The following SPSB4 variants were observed in gnomAD, a reference collection of about 807,000 sequenced individuals.
SPSB4 encodes splA/ryanodine receptor domain and SOCS box containing 4.
SPSB4 carries 21 observed loss-of-function variants against 20.9 expected under a neutral mutation model. The ratio of observed to expected loss-of-function variants is 1.01; its 90% CI spans 0.71 to 1.45. SPSB4 has a LOEUF of 1.45. SPSB4 is among the 40% of genes most tolerant of loss of function. The probability of loss-of-function intolerance (pLI) is 0.00; values close to 1 mark genes in which losing one functional copy is unlikely to be tolerated. For missense variants in SPSB4, 399 were observed against 399.2 expected (o/e 1.00, Z 0.00); for synonymous variants, 207 against 183.8 (o/e 1.13, Z -1.02).
At chr3:141,145,234 A>AG (rs1350582666) in intron 2 of SPSB4, among the ~76,000 whole-genome samples, 1 of 151,796 alleles carries the variant, frequency 6.6e-6, no homozygotes, top group Non-Finnish European at 1.5e-5. Context: ...TTAAAAAAAA[A>AG]AAAAGATAAA....
chr3:141,116,658 A>G (rs1202146273), intron 2 of SPSB4, among the ~76,000 whole-genome samples: 1 of 152,226 alleles, frequency 6.6e-6, no homozygotes, highest in Admixed American at 6.5e-5. Context: ...TCATAATAGT[A>G]ACTACCTCAT....
chr3:141,142,150 T>C (rs944209901), intron 2 of SPSB4, among the ~76,000 whole-genome samples: 8 of 152,254 alleles, frequency 5.3e-5, no homozygotes, highest in African/African-American at 1.9e-4. Context: ...CTATTCATGT[T>C]CTTTCAGCTT....
At chr3:141,083,362 C>T (rs1938277728) in intron 2 of SPSB4, among the ~76,000 whole-genome samples, 1 of 152,174 alleles carries the variant, frequency 6.6e-6, no homozygotes, top group Non-Finnish European at 1.5e-5. Context: ...CACCCCCCCA[C>T]CCTCTGTAGA....
chr3:141,087,517 T>A (rs75057631), intron 2 of SPSB4, among the ~76,000 whole-genome samples: 9,641 of 152,156 alleles, frequency 0.063, 959 homozygotes, highest in African/African-American at 0.21. Context: ...CCCCCAGTTG[T>A]AGGGTCCCAG....
chr3:141,064,585 T>C (rs1221966371), intron 1 of SPSB4, among the ~76,000 whole-genome samples: 7 of 152,092 alleles, frequency 4.6e-5, no homozygotes, highest in Non-Finnish European at 1.0e-4. Context: ...GCAGAGTTCT[T>C]TTCGTCCCTA....
chr3:141,052,209 G>A (rs1936106117), intron 1 of SPSB4, among the ~76,000 whole-genome samples: 1 of 152,196 alleles, frequency 6.6e-6, no homozygotes, highest in African/African-American at 2.4e-5. Flanking sequence ...TGGGTTCTAA[G>A]CCCTTTGCTT....
intron 2 of SPSB4, among the ~76,000 whole-genome samples, chr3:141,068,256 A>G (rs141986195): frequency 1.1e-3 from 172 of 152,302 alleles, no homozygotes; most frequent in African/African-American, 4.0e-3. Context: ...GTTGCCTACA[A>G]TTGCCATTGA....
chr3:141,117,661 C>A (rs1938898472), intron 2 of SPSB4, among the ~76,000 whole-genome samples: 1 of 152,158 alleles, frequency 6.6e-6, no homozygotes, highest in African/African-American at 2.4e-5. Flanking sequence ...GCCCCCATCC[C>A]CCGCCCAACA....
chr3:141,082,618 G>GCTATGTATCCAT, intron 2 of SPSB4, among the ~76,000 whole-genome samples: 1 of 146,416 alleles, frequency 6.8e-6, no homozygotes, highest in Non-Finnish European at 1.5e-5. Context: ...CAACCCAGGT[G>GCTATGTATCCAT]CTATCTATCT....
rs77689746 is a variant in SPSB4, at chr3:141,067,694, C to G, written c.694+896C>G. Among the ~76,000 whole-genome samples, 1,024 of 152,244 alleles carry G rather than the reference C, an allele frequency of 6.7e-3. 19 individuals are homozygous for G. Among genetic ancestry groups the G allele is most frequent in the African/African-American group, 0.024 (997 of 41,538 alleles). Reference sequence around the variant, plus strand: ...TCAGGGAGACAGGGTGGCCTCTGGACAGAGGCACACGTGGCTGCCTGTCCT... The same window carrying G: ...TCAGGGAGACAGGGTGGCCTCTGGAGAGAGGCACACGTGGCTGCCTGTCCT... On this transcript the variant is annotated intron_variant, in intron 2 of 2. Transcript: ENST00000310546.
At chr3:141,121,871 C>G (rs903425767) in intron 2 of SPSB4, among the ~76,000 whole-genome samples, 5 of 152,190 alleles carry the variant, frequency 3.3e-5, no homozygotes, top group African/African-American at 1.2e-4. Context: ...GCTCCTTTAG[C>G]TCGGAGAAGT....
intron 2 of SPSB4, among the ~76,000 whole-genome samples, chr3:141,137,942 C>T (rs535789659): frequency 2.0e-5 from 3 of 152,112 alleles, no homozygotes; most frequent in East Asian, 1.9e-4. Flanking sequence ...TGGTAGAATT[C>T]GGCTGTGAAT....
At chr3:141,060,703 C>A (rs1310969195) in intron 1 of SPSB4, among the ~76,000 whole-genome samples, 1 of 152,182 alleles carries the variant, frequency 6.6e-6, no homozygotes, top group African/African-American at 2.4e-5. Flanking sequence ...TGTTAATTTG[C>A]CATTTGCCGA....
chr3:141,091,184 A>G (rs1340632401), intron 2 of SPSB4, among the ~76,000 whole-genome samples: 1 of 152,216 alleles, frequency 6.6e-6, no homozygotes, highest in African/African-American at 2.4e-5. Context: ...TAAAATAGCC[A>G]TGATGTAGCA....
At chr3:141,058,278 ATT>A (rs1937695229) in intron 1 of SPSB4, among the ~76,000 whole-genome samples, 2 of 152,194 alleles carry the variant, frequency 1.3e-5, no homozygotes, top group African/African-American at 4.8e-5. Flanking sequence ...ATGTCTCCTC[ATT>A]TCCCTGTCGG....
rs1182563713 is a variant in SPSB4 at position 141,135,205 on chromosome 3, A to C, written c.695-11937A>C. Among the ~76,000 whole-genome samples, 8 of 152,054 alleles carry C rather than the reference A, an allele frequency of 5.3e-5. No homozygotes were observed. In the East Asian group the frequency reaches 1.2e-3, roughly 22 times the overall value. On this transcript the variant is annotated intron_variant, in intron 2 of 2. Coordinates refer to ENST00000310546, the MANE Select transcript of SPSB4 (RefSeq NM_080862.3). ...ATTGTTGTATGATTCTTTTTACTTT[A>C]TATTATATATGATTTATAAGATCAG...
intron 2 of SPSB4, among the ~76,000 whole-genome samples, chr3:141,094,793 C>A (rs534811416): frequency 2.1e-5 from 3 of 142,366 alleles, no homozygotes; most frequent in Middle Eastern, 3.5e-3. Context: ...CCTTTGCCCC[C>A]CTGGGAGCAG....
intron 2 of SPSB4, among the ~76,000 whole-genome samples, chr3:141,117,701 T>G (rs1938899661): frequency 6.6e-6 from 1 of 152,254 alleles, no homozygotes; most frequent in Non-Finnish European, 1.5e-5. Flanking sequence ...CCCTGCCCTG[T>G]GTCCATGTGT....
At chr3:141,074,792 A>G (rs576849328) in intron 2 of SPSB4, among the ~76,000 whole-genome samples, 1 of 152,330 alleles carries the variant, frequency 6.6e-6, no homozygotes, top group Admixed American at 6.5e-5. Context: ...GCCGGCGTCC[A>G]CCTCTGCGAA....
Sources: gnomAD v4.1 joint callset for allele counts (sites outside exome capture counted in the v4.1 genomes callset) on GRCh38, gnomAD v4.1.1 for gene constraint, MANE v1.5 for transcripts, NCBI Gene and HGNC (gene_info 2026-07-23, HGNC 2026-07-21) for gene names.